KIF1C: variants seen among roughly 807,000 people sequenced by gnomAD.
KIF1C encodes the protein kinesin family member 1C, also known as kinesin-like protein KIF1C.
A neutral mutation model predicts 126.5 loss-of-function variants in KIF1C; 61 were observed. That is an observed-to-expected ratio of 0.48 (90% confidence interval 0.39 to 0.60). The LOEUF (loss-of-function observed/expected upper bound fraction) is 0.60, where lower values mean the gene tolerates loss of function less well. Among genes scored for constraint, KIF1C ranks in the 20% least tolerant of loss-of-function variants. The pLI is 0.00. For synonymous variants in KIF1C, 640 were observed against 580.6 expected (o/e 1.10, Z -1.47); for missense variants, 1,315 against 1,489.2 (o/e 0.88, Z 1.93).
Position 5,002,142 on chromosome 17 carries a change from T to C in KIF1C, c.429+18T>C. On this transcript the variant is annotated intron_variant, in intron 6 of 22. Transcript: ENST00000320785. ...CTGTGGAGGTAAGCCCGGGTCTTGG[T>C]GGCAGGGCTGAGAGGGGTCCAGACT... 1 of 1,611,984 alleles carries C rather than the reference T, an allele frequency of 6.2e-7. No individual in the cohort carries two copies. Among genetic ancestry groups the C allele is most frequent in the South Asian group, 1.1e-5 (1 of 91,034 alleles).
chr17:5,002,794 C>T lies in KIF1C; in HGVS notation c.672C>T (p.Val224=). Residue 224 remains valine (V), a synonymous_variant, in exon 8 of 23, where the codon GTC becomes GTT. Transcript: ENST00000320785. ...SSRSHAVFTI[V]FTQRCHDQLT... Reference sequence around the variant, plus strand: ...GTTCCCATGCCGTCTTTACCATCGTCTTCACACAGCGCTGCCATGACCAGC... The same window carrying T: ...GTTCCCATGCCGTCTTTACCATCGTTTTCACACAGCGCTGCCATGACCAGC... 6.2e-7 allele frequency: 1 copy of T among 1,613,946 alleles called. No homozygotes were observed. Among genetic ancestry groups the T allele is most frequent in the South Asian group, 1.1e-5 (1 of 91,066 alleles).
rs747692773 is a variant in KIF1C at position 5,003,980 on chromosome 17, C to T, written c.865-18C>T. 13 of 1,612,978 alleles carry T rather than the reference C, an allele frequency of 8.1e-6. No homozygotes were observed. The highest frequency in any genetic ancestry group is 7.7e-5 in the South Asian group (7 of 91,070). The stretch of plus-strand genomic sequence containing the variant: ...GGGAGTGACCCACCCTAACCTCCTT[C>T]CTCCTTTTATCCCCCAGCAATCAAA... On this transcript the variant is annotated intron_variant, in intron 10 of 22. Transcript: ENST00000320785.
intron 6 of KIF1C, 59 bp downstream of exon 6, chr17:5,002,183 T>C: frequency 6.1e-6 from 9 of 1,467,752 alleles, no homozygotes; most frequent in Non-Finnish European, 8.6e-6. Context: ...GGGCTGTCGC[T>C]GGAATCAGAC....
At position 5,027,493 on chromosome 17, in the gene KIF1C, G is replaced by T; in HGVS notation, c.*3342G>T. 6.6e-6 allele frequency: 1 copy of T among 152,312 alleles called. No individual in the cohort carries two copies. Among genetic ancestry groups the T allele is most frequent in the South Asian group, 2.0e-4 (1 of 4,996 alleles). 9.4% of individuals were successfully genotyped at this position (152,312 alleles called of 1,614,324 possible). A position where few individuals can be genotyped will look rare whatever the true frequency, so the allele number is the denominator to read the frequency against. Reference sequence around the variant, plus strand: ...TGCCCAGGCTGAACTCGAACTCCTGGGCTCAAGCAATCCTGCCTCCCAAGC... The same window carrying T: ...TGCCCAGGCTGAACTCGAACTCCTGTGCTCAAGCAATCCTGCCTCCCAAGC... On this transcript the variant is annotated 3_prime_UTR_variant, in exon 23 of 23. Coordinates refer to ENST00000320785, the MANE Select transcript of KIF1C (RefSeq NM_006612.6).
chr17:5,002,193 C>A, intron 6 of KIF1C, 69 bp downstream of exon 6: 1 of 1,418,390 alleles, frequency 7.1e-7, no homozygotes, highest in Non-Finnish European at 1.0e-6. Flanking sequence ...TGGAATCAGA[C>A]AGCCTGGGAT....
chr17:5,020,951 C>T lies in KIF1C; in HGVS notation c.2010+73C>T, dbSNP rs1975077362. ...CAAGCCTGAGTCCGAGTGCAGTGCT[C>T]ACCGCTGAGCCAGAGTGGGAAATGG... is the stretch of plus-strand genomic sequence containing the variant. On this transcript the variant is annotated intron_variant, in intron 21 of 22. Coordinates refer to ENST00000320785, the MANE Select transcript of KIF1C (RefSeq NM_006612.6). The surrounding 1 kb of genome is among the most constrained non-coding windows in gnomAD (Gnocchi z 5.8). 2.2e-6 allele frequency: 3 copies of T among 1,335,046 alleles called. No individual in the cohort carries two copies. The highest frequency in any genetic ancestry group is 2.9e-5 in the African/African-American group (2 of 68,754). 82.7% of individuals were successfully genotyped at this position (1,335,046 alleles called of 1,614,324 possible).
At position 5,003,607 on chromosome 17, in the gene KIF1C, C is replaced by A; in HGVS notation, c.721-5C>A. On this transcript the variant is annotated splice_region_variant and splice_polypyrimidine_tract_variant and intron_variant, in intron 8 of 22. Coordinates refer to ENST00000320785, the MANE Select transcript of KIF1C (RefSeq NM_006612.6). ...TTATCTCCTGCCTGTTTCCTCTGACCCCAGGTCAGTAAGATCAGTTTGGTG... is the reference window on the plus strand; with the variant it reads ...TTATCTCCTGCCTGTTTCCTCTGACACCAGGTCAGTAAGATCAGTTTGGTG... The A allele has an allele frequency of 6.2e-7, 1 of 1,610,226 alleles. No individual in the cohort carries two copies. The highest frequency in any genetic ancestry group is 8.5e-7 in the Non-Finnish European group (1 of 1,177,598).
Position 5,000,867 on chromosome 17 carries a change from G to A in KIF1C, c.183+19G>A. ...CACTTCGGTGGGTTGTTGGGCTGGG[G>A]GAAGAGCAAGGCAGTGAGAGACAGA... On this transcript the variant is annotated intron_variant, in intron 4 of 22. Coordinates refer to ENST00000320785, the MANE Select transcript of KIF1C (RefSeq NM_006612.6). 1 of 1,608,774 alleles carries A rather than the reference G, an allele frequency of 6.2e-7. No individual in the cohort carries two copies.
intron 18 of KIF1C, among the ~76,000 whole-genome samples, chr17:5,016,927 C>T (rs1461980792): frequency 6.6e-6 from 1 of 151,422 alleles, no homozygotes; most frequent in Non-Finnish European, 1.5e-5. Flanking sequence ...AAAAGACATG[C>T]CTCTTCGGTT....
chr17:4,999,295 T>A (rs184019168), intron 1 of KIF1C, among the ~76,000 whole-genome samples: 14 of 152,228 alleles, frequency 9.2e-5, no homozygotes, highest in Admixed American at 7.8e-4. Context: ...GAAACTAGAT[T>A]CTCCCTTGCC....
Position 5,023,776 on chromosome 17 carries a change from C to G in KIF1C, c.2937C>G (p.Phe979Leu). 6.6e-7 allele frequency: 1 copy of G among 1,521,950 alleles called. No individual in the cohort carries two copies. Among genetic ancestry groups the G allele is most frequent in the Non-Finnish European group, 8.8e-7 (1 of 1,137,882 alleles). The allele number at this position is 1,521,950 out of a possible 1,614,324, so 94.3% of individuals were successfully genotyped here. ...FVPPHDCKLR[F>L]PFKSNPQHRE... is the part of the protein sequence containing the mutation. The stretch of plus-strand genomic sequence containing the variant: ...CCCCTCACGACTGCAAGCTACGCTT[C>G]CCCTTCAAGAGCAACCCCCAGCACC... Residue 979 changes from phenylalanine (F) to leucine (L), a missense_variant, in exon 23 of 23, where the codon TTC (phenylalanine) becomes TTG (leucine). Phe to Leu is a conservative substitution (Grantham distance 22). This residue lies in a region of KIF1C where 441 missense variants were observed against 436.1 expected (regional missense o/e 1.01). Coordinates refer to ENST00000320785, the MANE Select transcript of KIF1C (RefSeq NM_006612.6). The surrounding 1 kb of genome is among the most constrained non-coding windows in gnomAD (Gnocchi z 4.2).
rs1490333622 is a variant in KIF1C at position 5,000,363 on chromosome 17, C to T, written c.106+11C>T. Reference sequence around the variant, plus strand: ...AGGGCAACACCACCTGTGAGTGAGTCCCCGGGGCCTGGCTGGGCACAGGCA... The same window carrying T: ...AGGGCAACACCACCTGTGAGTGAGTTCCCGGGGCCTGGCTGGGCACAGGCA... On this transcript the variant is annotated intron_variant, in intron 3 of 22. Coordinates refer to ENST00000320785, the MANE Select transcript of KIF1C (RefSeq NM_006612.6). The T allele has an allele frequency of 6.5e-7, 1 of 1,546,810 alleles. No individual in the cohort carries two copies. Among genetic ancestry groups the T allele is most frequent in the Non-Finnish European group, 8.8e-7 (1 of 1,138,856 alleles).
Position 5,023,615 on chromosome 17 carries a change from C to A in KIF1C, c.2776C>A (p.Arg926=), listed in dbSNP as rs765376957. Residue 926 remains arginine, a synonymous_variant, in exon 23 of 23, where the codon CGG becomes AGG. Coordinates refer to ENST00000320785, the MANE Select transcript of KIF1C (RefSeq NM_006612.6). The surrounding 1 kb of genome is among the most constrained non-coding windows in gnomAD (Gnocchi z 4.2). ...PPLSSWERVS[R]LMEEDPAFRR... is the part of the protein sequence containing the mutation. ...ACTGTCAAGCTGGGAGCGGGTGTCA[C>A]GGCTCATGGAGGAGGACCCTGCCTT... 8 of 1,613,652 alleles carry A rather than the reference C, an allele frequency of 5.0e-6. No homozygotes were observed. Among genetic ancestry groups the A allele is most frequent in the Non-Finnish European group, 5.9e-6 (7 of 1,179,912 alleles).
intron 8 of KIF1C, 27 bp from the exon 9 acceptor site, chr17:5,003,585 T>C (rs1448579706): frequency 1.9e-6 from 3 of 1,575,006 alleles, no homozygotes; most frequent in East Asian, 2.2e-5. Flanking sequence ...CCGCACCTTA[T>C]CTCCTGCCTG....
chr17:5,001,206 C>A lies in KIF1C; in HGVS notation c.184-16C>A, dbSNP rs772028128. ...CCAGGGTTACTCTGTTTTTCTCTGC[C>A]CCCACTTTCTCCTAGACGGAGGACC... On this transcript the variant is annotated splice_polypyrimidine_tract_variant and intron_variant, in intron 4 of 22. Coordinates refer to ENST00000320785, the MANE Select transcript of KIF1C (RefSeq NM_006612.6). 3 of 1,612,744 alleles carry A rather than the reference C, an allele frequency of 1.9e-6. No homozygotes were observed. The South Asian group carries it at 3.3e-5, about 18-fold the overall frequency.
In KIF1C at chr17:5,024,080, TA is replaced by T; in HGVS notation, c.3242del (p.Tyr1081SerfsTer7). On this transcript the variant is annotated frameshift_variant, in exon 23 of 23. Coordinates refer to ENST00000320785, the MANE Select transcript of KIF1C (RefSeq NM_006612.6). LOFTEE classifies it high-confidence loss of function. ...GCCCCCAGGGCCCCGCTACCCCCCA[TA>T]CACTACTCCCCCACGAATGAGACGG... is the stretch of plus-strand genomic sequence containing the variant. ...QRPPGPRYPPYTTPPRMRRQR... is the reference protein window; with the variant it reads ...QRPPGPRYPPXTTPPRMRRQR... 6.3e-7 allele frequency: 1 copy of T among 1,595,186 alleles called. No individual in the cohort carries two copies. The highest frequency in any genetic ancestry group is 1.1e-5 in the South Asian group (1 of 89,850).
At position 5,023,810 on chromosome 17, in the gene KIF1C, T is replaced by C. The variant is rs770147759; in HGVS notation, c.2971T>C (p.Trp991Arg). Residue 991 changes from tryptophan (W) to arginine (R), a missense_variant, in exon 23 of 23, where the codon TGG becomes CGG. Transcript: ENST00000320785. The surrounding 1 kb of genome is among the most constrained non-coding windows in gnomAD (Gnocchi z 4.2). ...GAGCAACCCCCAGCACCGGGAGTCT[T>C]GGCCAGGGATGGGGAGCGGGGAGGC... is the stretch of plus-strand genomic sequence containing the variant. ...FKSNPQHRESWPGMGSGEAPT... is the reference protein window; with the variant it reads ...FKSNPQHRESRPGMGSGEAPT... 1 of 1,518,270 alleles carries C rather than the reference T, an allele frequency of 6.6e-7. No individual in the cohort carries two copies. Among genetic ancestry groups the C allele is most frequent in the Admixed American group, 2.3e-5 (1 of 44,284 alleles). The allele number at this position is 1,518,270 out of a possible 1,614,324, so 94.0% of individuals were successfully genotyped here.
In KIF1C at chr17:5,023,527, A is replaced by G; in HGVS notation, c.2688A>G (p.Ser896=). The change falls in exon 23 of 23, where the codon TCA becomes TCG. Residue 896 remains serine, a synonymous_variant. Transcript: ENST00000320785. The surrounding 1 kb of genome is among the most constrained non-coding windows in gnomAD (Gnocchi z 4.2). ...TCCCCTGGGCCCCGCCTGAAGGATC[A>G]GAGGCAGCAGAGGAGGCAGCCCCCA... is the stretch of plus-strand genomic sequence containing the variant. ...GEVPWAPPEG[S]EAAEEAAPSD... is the part of the protein sequence containing the mutation. The G allele has an allele frequency of 6.2e-7, 1 of 1,614,046 alleles. No individual in the cohort carries two copies. The highest frequency in any genetic ancestry group is 1.1e-5 in the South Asian group (1 of 91,084).
Position 4,999,968 on chromosome 17 carries a change from C to G in KIF1C, c.-30C>G. 1 of 448,504 alleles carries G rather than the reference C, an allele frequency of 2.2e-6. No homozygotes were observed. Among genetic ancestry groups the G allele is most frequent in the Non-Finnish European group, 4.1e-6 (1 of 244,188 alleles). The allele number at this position is 448,504 out of a possible 1,614,324, so 27.8% of individuals were successfully genotyped here. A position where few individuals can be genotyped will look rare whatever the true frequency, so the allele number is the denominator to read the frequency against. On this transcript the variant is annotated splice_region_variant and 5_prime_UTR_variant, in exon 2 of 23. Coordinates refer to ENST00000320785, the MANE Select transcript of KIF1C (RefSeq NM_006612.6). ...CCCCCCTGGTCTGGGGCCAGGACGC[C>G]AGGTAACTGGGGGAGACCGCCCAGG... is the stretch of plus-strand genomic sequence containing the variant.
Sources: allele counts gnomAD v4.1 joint callset (sites outside exome capture counted in the v4.1 genomes callset), GRCh38; gene constraint gnomAD v4.1.1; regional missense constraint gnomAD v4.1.1; non-coding constraint Gnocchi (gnomAD v3.1); transcripts MANE v1.5; gene names NCBI Gene and HGNC (gene_info 2026-07-23, HGNC 2026-07-21).